The following TRAPPC10 variants were observed in gnomAD, a reference collection of about 807,000 sequenced individuals.
TRAPPC10 encodes trafficking protein particle complex subunit 10, also known as TRAPP 130 kDa subunit.
A neutral mutation model predicts 125.5 loss-of-function variants in TRAPPC10; 23 were observed. The observed-to-expected ratio is 0.18, with a 90% CI of 0.13 to 0.26. The LOEUF is 0.26. TRAPPC10 is among the 10% of genes least tolerant of loss of function. The probability of loss-of-function intolerance (pLI) is 1.00; values close to 1 mark genes in which losing one functional copy is unlikely to be tolerated. For synonymous variants in TRAPPC10, 509 were observed against 518.0 expected, an observed-to-expected ratio of 0.98 and a Z score of 0.24; for missense variants, 1,123 against 1,308.4, an observed-to-expected ratio of 0.86 and a Z score of 2.19.
chr21:44,020,292 A>G (rs1025365558), intron 1 of TRAPPC10, among the ~76,000 whole-genome samples: 6 of 151,762 alleles, frequency 4.0e-5, no homozygotes, highest in Non-Finnish European at 8.8e-5. Flanking sequence ...ACACCTGGCT[A>G]ATTTTTTTGT....
Position 44,055,767 on chromosome 21 carries a change from C to A in TRAPPC10, c.552C>A (p.Thr184=), listed in dbSNP as rs1459969809. ...AGGAATCCTGGAATGCCTTCCTGAC[C>A]AAACTCAGGACATTGCTTCTTATGT... ...RTQESWNAFL[T]KLRTLLLMSF... The change falls in exon 5 of 23, where the codon ACC becomes ACA. Residue 184 remains threonine, a synonymous_variant. Transcript: ENST00000291574. 1 of 1,613,720 alleles carries A rather than the reference C, an allele frequency of 6.2e-7. No homozygotes were observed. The highest frequency in any genetic ancestry group is 1.7e-5 in the Admixed American group (1 of 60,000).
At chr21:44,021,068 G>C (rs1300752050) in intron 1 of TRAPPC10, among the ~76,000 whole-genome samples, 4 of 152,190 alleles carry the variant, frequency 2.6e-5, no homozygotes, top group Non-Finnish European at 5.9e-5. Flanking sequence ...TAAGAATTGA[G>C]TAAGTAAGCT....
chr21:44,037,641 G>A (rs2034086122), intron 2 of TRAPPC10, 151 bp from the exon 3 acceptor site: 2 of 889,654 alleles, frequency 2.2e-6, no homozygotes, highest in Non-Finnish European at 3.4e-6. Flanking sequence ...TTCCTAGAAT[G>A]TTTCTGAGCA....
At chr21:44,067,391 G>T (rs1335587332) in intron 7 of TRAPPC10, among the ~76,000 whole-genome samples, 2 of 152,180 alleles carry the variant, frequency 1.3e-5, no homozygotes, top group African/African-American at 4.8e-5. Context: ...CCGACACCCT[G>T]CTGGGTGGGT....
chr21:44,023,765 G>T (rs539372501), intron 1 of TRAPPC10, among the ~76,000 whole-genome samples: 30 of 152,268 alleles, frequency 2.0e-4, no homozygotes, highest in African/African-American at 7.2e-4. Flanking sequence ...ATTTTTGTTT[G>T]TTTGTTTTTT....
rs1012816799 is a variant in TRAPPC10 at position 44,087,248 on chromosome 21, C to G, written c.2539+288C>G. Reference sequence around the variant, plus strand: ...ACGTTCCATGGTGATGCCTGCCAGACCCTGTCCCCCTTGGGCTGGCCCTGC... The same window carrying G: ...ACGTTCCATGGTGATGCCTGCCAGAGCCTGTCCCCCTTGGGCTGGCCCTGC... On this transcript the variant is annotated intron_variant, in intron 16 of 22. Coordinates refer to ENST00000291574, the MANE Select transcript of TRAPPC10 (RefSeq NM_003274.5). This position sits in a 1 kb window ranked among gnomAD's most constrained non-coding sequence, Gnocchi z 4.6. Among the ~76,000 whole-genome samples the G allele has an allele frequency of 2.0e-5, 3 of 152,254 alleles. No individual in the cohort carries two copies. The South Asian group carries it at 6.2e-4, about 32-fold the overall frequency.
intron 4 of TRAPPC10, among the ~76,000 whole-genome samples, chr21:44,053,977 A>G (rs1435697791): frequency 2.6e-5 from 4 of 152,194 alleles, no homozygotes; most frequent in African/African-American, 9.7e-5. Flanking sequence ...ATGACTGTGT[A>G]TCTGATTGAC....
rs747046367 is a variant in TRAPPC10, at chr21:44,094,209, T to G, written c.3144T>G (p.Tyr1048Ter). Residue 1048 changes from tyrosine (Y) to a stop codon, truncating the protein, a stop_gained, in exon 20 of 23, where the codon TAT (tyrosine) becomes TAG (stop). Coordinates refer to ENST00000291574, the MANE Select transcript of TRAPPC10 (RefSeq NM_003274.5). LOFTEE classifies it high-confidence loss of function. ...QLSISLKPYTYEFKVENFFTL... is the reference protein window; with the variant it reads ...QLSISLKPYT The stretch of plus-strand genomic sequence containing the variant: ...CTATCTCCTTAAAGCCGTATACTTA[T>G]GAATTTAAAGTGGAAAATTTTTTTG... The G allele has an allele frequency of 6.2e-7, 1 of 1,611,108 alleles. No individual in the cohort carries two copies. The highest frequency in any genetic ancestry group is 8.5e-7 in the Non-Finnish European group (1 of 1,179,202).
chr21:44,087,775 G>A lies in TRAPPC10; in HGVS notation c.2616G>A (p.Ala872=), dbSNP rs746107018. 23 of 1,614,072 alleles carry A rather than the reference G, an allele frequency of 1.4e-5. No individual in the cohort carries two copies. Among genetic ancestry groups the A allele is most frequent in the Non-Finnish European group, 1.6e-5 (19 of 1,180,058 alleles). ...VTSISLPVAP[A]YHVIEFELEV... ...GCATCAGTCTGCCTGTTGCGCCTGC[G>A]TACCACGTGATCGAATTTGAACTGG... Residue 872 remains alanine (A), a synonymous_variant, in exon 17 of 23, where the codon GCG becomes GCA. Coordinates refer to ENST00000291574, the MANE Select transcript of TRAPPC10 (RefSeq NM_003274.5). The surrounding 1 kb of genome is among the most constrained non-coding windows in gnomAD (Gnocchi z 4.6).
chr21:44,084,810 C>T (rs2038015893), intron 15 of TRAPPC10, among the ~76,000 whole-genome samples: 1 of 152,200 alleles, frequency 6.6e-6, no homozygotes, highest in South Asian at 2.1e-4. Flanking sequence ...TCTCACAACC[C>T]CCTTTCTGGG....
chr21:44,081,505 C>G (rs1032847622), intron 13 of TRAPPC10, among the ~76,000 whole-genome samples: 1 of 152,058 alleles, frequency 6.6e-6, no homozygotes, highest in African/African-American at 2.4e-5. Flanking sequence ...AAAGAAACCC[C>G]ATACTGTAAT....
rs780430103 is a variant in TRAPPC10, at chr21:44,080,136, A to G, written c.1723+9A>G. 5 of 1,603,684 alleles carry G rather than the reference A, an allele frequency of 3.1e-6. No homozygotes were observed. The highest frequency in any genetic ancestry group is 4.3e-6 in the Non-Finnish European group (5 of 1,170,758). ...GCCGTCAGACAGCCCAGGTAAGACCAGTTCTTACAACTTGACTAGGAATAT... is the reference window on the plus strand; with the variant it reads ...GCCGTCAGACAGCCCAGGTAAGACCGGTTCTTACAACTTGACTAGGAATAT... On this transcript the variant is annotated intron_variant, in intron 13 of 22. Coordinates refer to ENST00000291574, the MANE Select transcript of TRAPPC10 (RefSeq NM_003274.5).
At position 44,087,053 on chromosome 21, in the gene TRAPPC10, C is replaced by CT; in HGVS notation, c.2539+94dup. ...TGAGCCTGGCCTTGCTGCCATCCTG[C>CT]TGAGCGCCCCTCAACAGTGTCTGGA... On this transcript the variant is annotated intron_variant, in intron 16 of 22. Transcript: ENST00000291574. This position sits in a 1 kb window ranked among gnomAD's most constrained non-coding sequence, Gnocchi z 4.6. 7.0e-7 allele frequency: 1 copy of CT among 1,433,600 alleles called. No individual in the cohort carries two copies. Among genetic ancestry groups the CT allele is most frequent in the South Asian group, 1.3e-5 (1 of 78,852 alleles). The allele number at this position is 1,433,600 out of a possible 1,614,324, so 88.8% of individuals were successfully genotyped here.
chr21:44,082,873 C>T lies in TRAPPC10; in HGVS notation c.1809C>T (p.Gly603=), dbSNP rs765604820. The change falls in exon 14 of 23, where the codon GGC becomes GGT. Residue 603 remains glycine (G), a synonymous_variant. Coordinates refer to ENST00000291574, the MANE Select transcript of TRAPPC10 (RefSeq NM_003274.5). This position sits in a 1 kb window ranked among gnomAD's most constrained non-coding sequence, Gnocchi z 4.4. The part of the protein sequence containing the change: ...FDPSNAVVHV[G]GVLCVEITMY... Reference sequence around the variant, plus strand: ...CCTCCAATGCCGTGGTCCACGTGGGCGGCGTTTTGTGCGTTGAGATAACCA... The same window carrying T: ...CCTCCAATGCCGTGGTCCACGTGGGTGGCGTTTTGTGCGTTGAGATAACCA... 8.7e-6 allele frequency: 14 copies of T among 1,614,030 alleles called. No individual in the cohort carries two copies. Among genetic ancestry groups the T allele is most frequent in the East Asian group, 4.5e-5 (2 of 44,874 alleles).
At chr21:44,052,779 C>T (rs375967478) in intron 4 of TRAPPC10, among the ~76,000 whole-genome samples, 3 of 152,060 alleles carry the variant, frequency 2.0e-5, no homozygotes, top group African/African-American at 2.4e-5. Flanking sequence ...TTCTGTAGAA[C>T]GGGTCCTTAA....
chr21:44,082,774 A>G lies in TRAPPC10; in HGVS notation c.1724-14A>G. 6.2e-7 allele frequency: 1 copy of G among 1,610,690 alleles called. No individual in the cohort carries two copies. Among genetic ancestry groups the G allele is most frequent in the South Asian group, 1.1e-5 (1 of 91,016 alleles). On this transcript the variant is annotated splice_polypyrimidine_tract_variant and intron_variant, in intron 13 of 22. Coordinates refer to ENST00000291574, the MANE Select transcript of TRAPPC10 (RefSeq NM_003274.5). The surrounding 1 kb of genome is among the most constrained non-coding windows in gnomAD (Gnocchi z 4.4). ...GTGACTTGGGGAGTCACTTACGATA[A>G]TGTCTATTTACAGGTCATAAGATAG...
intron 7 of TRAPPC10, among the ~76,000 whole-genome samples, chr21:44,070,290 G>C (rs986528994): frequency 6.6e-6 from 1 of 152,226 alleles, no homozygotes; most frequent in African/African-American, 2.4e-5. Flanking sequence ...GCAATCAGGA[G>C]AGGAGGAGGG....
At position 44,036,909 on chromosome 21, in the gene TRAPPC10, A is replaced by G. The variant is rs1042818742; in HGVS notation, c.150-883A>G. Among the ~76,000 whole-genome samples the G allele has an allele frequency of 1.3e-5, 2 of 152,222 alleles. 1 individual carries two copies. Among genetic ancestry groups the G allele is most frequent in the South Asian group, 4.1e-4 (2 of 4,826 alleles). ...ACCAACGGTAGAATAGAGATAGATG[A>G]TAAGACTTTCAAACCAGCAGAGAGA... is the stretch of plus-strand genomic sequence containing the variant. On this transcript the variant is annotated intron_variant, in intron 2 of 22. Coordinates refer to ENST00000291574, the MANE Select transcript of TRAPPC10 (RefSeq NM_003274.5).
At chr21:44,086,670 G>A in intron 15 of TRAPPC10, 132 bp from the exon 16 acceptor site, 1 of 959,240 alleles carries the variant, frequency 1.0e-6, no homozygotes, top group South Asian at 1.5e-5. Context: ...GAAGTAGAAG[G>A]AATTCATGGA....
Sources: allele counts gnomAD v4.1 joint callset (sites outside exome capture counted in the v4.1 genomes callset), GRCh38; gene constraint gnomAD v4.1.1; non-coding constraint Gnocchi (gnomAD v3.1); transcripts MANE v1.5; gene names NCBI Gene and HGNC (gene_info 2026-07-23, HGNC 2026-07-21).